The following ASTN1 variants were observed in gnomAD, a reference collection of about 807,000 sequenced individuals.
ASTN1 encodes the protein astrotactin 1, also known as astrotactin-1.
A neutral mutation model predicts 140.7 loss-of-function variants in ASTN1; 41 were observed. The ratio of observed to expected loss-of-function variants is 0.29; its 90% CI spans 0.23 to 0.38. The LOEUF (loss-of-function observed/expected upper bound fraction) is 0.38, where lower values mean the gene tolerates loss of function less well. Among genes scored for constraint, ASTN1 ranks in the 10% least tolerant of loss-of-function variants. The pLI, the probability that ASTN1 is intolerant of heterozygous loss-of-function variation, is 1.00. For synonymous variants in ASTN1, 640 were observed against 652.2 expected, an observed-to-expected ratio of 0.98 and a Z score of 0.29; for missense variants, 1,479 against 1,678.8, an observed-to-expected ratio of 0.88 and a Z score of 2.08.
intron 2 of ASTN1, 26 bp downstream of exon 2, chr1:177,061,052 A>C: frequency 1.3e-6 from 2 of 1,510,950 alleles, no homozygotes; most frequent in Non-Finnish European, 1.8e-6. Flanking sequence ...CTATGGCCTG[A>C]GAGGCTAAGG....
At chr1:177,002,376 AACACACACACACACACACAC>A (rs3979529) in intron 8 of ASTN1, among the ~76,000 whole-genome samples, 2 of 148,584 alleles carry the variant, frequency 1.3e-5, no homozygotes, top group South Asian at 2.2e-4. Flanking sequence ...CTTACACACA[AACACACACACACACACACAC>A]ACACACACAC....
chr1:176,936,980 G>A (rs182322377), intron 14 of ASTN1, among the ~76,000 whole-genome samples: 4 of 152,276 alleles, frequency 2.6e-5, no homozygotes, highest in African/African-American at 9.6e-5. Flanking sequence ...AATTGGGGGC[G>A]TAAAAGTACT....
chr1:177,033,025 G>A (rs1161240686), intron 2 of ASTN1, among the ~76,000 whole-genome samples, 176 bp from the exon 3 acceptor site: 1 of 152,052 alleles, frequency 6.6e-6, no homozygotes, highest in Non-Finnish European at 1.5e-5. Context: ...ACTGTGACTG[G>A]TATTTAGGGT....
At chr1:176,870,487 A>G (rs933756589) in intron 21 of ASTN1, among the ~76,000 whole-genome samples, 4 of 152,238 alleles carry the variant, frequency 2.6e-5, no homozygotes, top group African/African-American at 9.6e-5. Context: ...CCTGTTGCCT[A>G]TGAGGACAGG....
intron 20 of ASTN1, among the ~76,000 whole-genome samples, chr1:176,878,561 G>T (rs1668659750): frequency 1.3e-5 from 2 of 151,848 alleles, no homozygotes; most frequent in East Asian, 3.9e-4. Context: ...TCAGCTTCTG[G>T]TACTGTTTCT....
intron 16 of ASTN1, among the ~76,000 whole-genome samples, chr1:176,901,149 A>AATCCAGAGT (rs1381554913): frequency 6.6e-6 from 1 of 152,222 alleles, no homozygotes; most frequent in African/African-American, 2.4e-5. Context: ...GAGGGGCATC[A>AATCCAGAGT]ATCCAGAGTG....
At chr1:176,991,274 A>G (rs1674145834) in intron 8 of ASTN1, among the ~76,000 whole-genome samples, 1 of 151,966 alleles carries the variant, frequency 6.6e-6, no homozygotes, top group African/African-American at 2.4e-5. Flanking sequence ...GTAGCCTGGC[A>G]TGGTGGCACA....
chr1:177,094,596 G>A (rs144255506), intron 1 of ASTN1, among the ~76,000 whole-genome samples: 47 of 152,328 alleles, frequency 3.1e-4, no homozygotes, highest in African/African-American at 1.1e-3. Context: ...CTCTGGAACT[G>A]TGAGAAGCAA....
chr1:176,878,362 A>T (rs1231068641), intron 20 of ASTN1, among the ~76,000 whole-genome samples: 1 of 151,024 alleles, frequency 6.6e-6, no homozygotes, highest in Non-Finnish European at 1.5e-5. Flanking sequence ...CTTGTACTCA[A>T]CCCCAGCCTG....
chr1:176,911,381 A>C (rs1172424935), intron 16 of ASTN1, among the ~76,000 whole-genome samples: 1 of 152,198 alleles, frequency 6.6e-6, no homozygotes, highest in East Asian at 1.9e-4. Flanking sequence ...ACTTTAGCTT[A>C]CTATAAGTTT....
chr1:177,141,019 A>G (rs12033472), intron 1 of ASTN1, among the ~76,000 whole-genome samples: 23,350 of 152,102 alleles, frequency 0.15, 3,590 homozygotes, highest in African/African-American at 0.4. Flanking sequence ...TATCGAGACC[A>G]TCCTGGCCCA....
chr1:177,056,693 G>T, intron 2 of ASTN1, among the ~76,000 whole-genome samples: 1 of 151,946 alleles, frequency 6.6e-6, no homozygotes, highest in East Asian at 1.9e-4. Context: ...TTTAATTAAA[G>T]AGATGAAATA....
chr1:176,864,588 G>A, intron 22 of ASTN1, 67 bp from the exon 23 acceptor site: 1 of 1,571,962 alleles, frequency 6.4e-7, no homozygotes, highest in Non-Finnish European at 8.6e-7. Flanking sequence ...CACAGCTACT[G>A]TTAGTGTGAG....
intron 8 of ASTN1, among the ~76,000 whole-genome samples, chr1:176,967,467 T>C (rs1310260093): frequency 6.6e-6 from 1 of 152,222 alleles, no homozygotes; most frequent in Non-Finnish European, 1.5e-5. Flanking sequence ...TTTATCTCTA[T>C]TTTGGGTAGG....
At chr1:177,131,254 T>C (rs1242173043) in intron 1 of ASTN1, among the ~76,000 whole-genome samples, 3 of 152,188 alleles carry the variant, frequency 2.0e-5, no homozygotes, top group Non-Finnish European at 4.4e-5. Flanking sequence ...GAGTGTGTAA[T>C]TGTACTTCTG....
intron 11 of ASTN1, among the ~76,000 whole-genome samples, chr1:176,955,340 C>T (rs1672356689): frequency 6.6e-6 from 1 of 152,166 alleles, no homozygotes. Context: ...GGAGATGGGT[C>T]AGGCTCAAGG....
chr1:177,046,423 TGTA>T (rs1486402306), intron 2 of ASTN1, among the ~76,000 whole-genome samples: 1 of 152,168 alleles, frequency 6.6e-6, no homozygotes, highest in Non-Finnish European at 1.5e-5. Context: ...ATCGTGACAC[TGTA>T]GTAGAAGTGT....
intron 7 of ASTN1, among the ~76,000 whole-genome samples, chr1:177,020,651 G>T (rs1000357231): frequency 6.6e-6 from 1 of 152,118 alleles, no homozygotes; most frequent in Non-Finnish European, 1.5e-5. Context: ...GCCATGTAAC[G>T]TGACACATTC....
At chr1:176,857,669 G>T, downstream of ASTN1, 1 of 586,856 alleles carries the variant, frequency 1.7e-6, no homozygotes, top group Non-Finnish European at 3.1e-6. Flanking sequence ...AAAGGAGTGT[G>T]GGAAAAGTTT....
Sources: gnomAD v4.1 joint callset for allele counts (sites outside exome capture counted in the v4.1 genomes callset) on GRCh38, gnomAD v4.1.1 for gene constraint, MANE v1.5 for transcripts, NCBI Gene and HGNC (gene_info 2026-07-23, HGNC 2026-07-21) for gene names.